The following KAZN variants were observed in gnomAD, a reference collection of about 807,000 sequenced individuals.
The protein encoded by KAZN is kazrin, periplakin interacting protein.
KAZN carries 40 observed loss-of-function variants against 87.4 expected under a neutral mutation model. The ratio of observed to expected loss-of-function variants is 0.46; its 90% CI spans 0.36 to 0.60. The LOEUF is 0.60. Ranked by LOEUF, KAZN falls within the 20% of genes least tolerant of loss-of-function variation. The probability of loss-of-function intolerance (pLI) is 0.00; values close to 1 mark genes in which losing one functional copy is unlikely to be tolerated. For missense variants in KAZN, 898 were observed against 1,073.9 expected (o/e 0.84, Z 2.29); for synonymous variants, 466 against 458.3 (o/e 1.02, Z -0.22).
chr1:13,923,047 C>T (rs1436154472), intron 1 of KAZN, among the ~76,000 whole-genome samples: 1 of 151,912 alleles, frequency 6.6e-6, no homozygotes, highest in Non-Finnish European at 1.5e-5. Flanking sequence ...TAGAGTTGAC[C>T]TGGAGCAACC....
intron 1 of KAZN, among the ~76,000 whole-genome samples, chr1:14,665,194 G>A (rs912865596): frequency 5.3e-5 from 8 of 152,116 alleles, no homozygotes; most frequent in South Asian, 2.1e-4. Flanking sequence ...CAGATCCTGC[G>A]GACAATGGGG....
intron 1 of KAZN, among the ~76,000 whole-genome samples, chr1:14,728,830 G>C (rs1372434828): frequency 6.6e-6 from 1 of 152,136 alleles, no homozygotes; most frequent in East Asian, 1.9e-4. Flanking sequence ...TGTAAAATGG[G>C]GGTAGTAGTA....
chr1:14,772,333 A>T (rs541579030), intron 1 of KAZN, among the ~76,000 whole-genome samples: 1 of 152,130 alleles, frequency 6.6e-6, no homozygotes, highest in East Asian at 1.9e-4. Context: ...AAAATTTAAC[A>T]ATTAGCCAGG....
Position 15,094,664 on chromosome 1 carries a change from G to T in KAZN, c.1429-151G>T. The T allele has an allele frequency of 1.5e-6, 1 of 649,774 alleles. No individual in the cohort carries two copies. The highest frequency in any genetic ancestry group is 2.6e-6 in the Non-Finnish European group (1 of 379,112). 40.3% of individuals were successfully genotyped at this position (649,774 alleles called of 1,614,324 possible). A position where few individuals can be genotyped will look rare whatever the true frequency, so the allele number is the denominator to read the frequency against. On this transcript the variant is annotated intron_variant, in intron 9 of 14. Transcript: ENST00000376030. The surrounding 1 kb of genome is among the most constrained non-coding windows in gnomAD (Gnocchi z 4.5). ...TGAACAGGGATTCCGCCCCACATCAGAGTTGCAGAGGTTTCCATGTGCCCT... is the reference window on the plus strand; with the variant it reads ...TGAACAGGGATTCCGCCCCACATCATAGTTGCAGAGGTTTCCATGTGCCCT...
chr1:14,365,237 C>T (rs1011460028), intron 2 of KAZN, among the ~76,000 whole-genome samples: 15 of 151,786 alleles, frequency 9.9e-5, no homozygotes, highest in African/African-American at 2.7e-4. Context: ...TTAGTAGAGA[C>T]GGGTTTTCAC....
chr1:14,293,868 G>C (rs1653911704), intron 2 of KAZN, among the ~76,000 whole-genome samples: 1 of 152,094 alleles, frequency 6.6e-6, no homozygotes, highest in Non-Finnish European at 1.5e-5. Flanking sequence ...GGAAGGCTCT[G>C]AGGGGCTGAA....
In KAZN at chr1:15,114,476, C is replaced by T. The variant is rs756813572; in HGVS notation, c.2169C>T (p.Pro723=). Residue 723 remains proline (P), a synonymous_variant, in exon 15 of 15, where the codon CCC becomes CCT. Coordinates refer to ENST00000376030, the MANE Select transcript of KAZN (RefSeq NM_201628.3). ...SGLKYKAGRL[P]LGKIGRGFSS... is the part of the protein sequence containing the mutation. ...TCATATTCTTCTCTTCTCAGCTGCC[C>T]CTGGGGAAGATAGGAAGGGGCTTCA... 1 of 1,609,812 alleles carries T rather than the reference C, an allele frequency of 6.2e-7. No individual in the cohort carries two copies. The highest frequency in any genetic ancestry group is 2.2e-5 in the East Asian group (1 of 44,798).
intron 2 of KAZN, among the ~76,000 whole-genome samples, chr1:14,308,627 A>G (rs1386297442): frequency 6.6e-6 from 1 of 152,166 alleles, no homozygotes; most frequent in Non-Finnish European, 1.5e-5. Context: ...TCTGCCAAGT[A>G]CTGGCTGTGT....
At chr1:14,087,447 C>T (rs1469472871) in intron 1 of KAZN, among the ~76,000 whole-genome samples, 1 of 152,044 alleles carries the variant, frequency 6.6e-6, no homozygotes, top group African/African-American at 2.4e-5. Flanking sequence ...TTTGTGTATT[C>T]ATTTCCTTTT....
chr1:13,982,025 A>G (rs1442928957), intron 1 of KAZN, among the ~76,000 whole-genome samples: 2 of 152,216 alleles, frequency 1.3e-5, no homozygotes, highest in East Asian at 1.9e-4. Context: ...TCCCACTTCA[A>G]TGTTGATTCC....
At chr1:14,626,448 C>G (rs766935036) in intron 1 of KAZN, among the ~76,000 whole-genome samples, 13 of 152,146 alleles carry the variant, frequency 8.5e-5, no homozygotes, top group South Asian at 2.1e-4. Flanking sequence ...GTTTGGTGTA[C>G]CTATTTCGCA....
chr1:14,030,579 A>G (rs954914100), intron 1 of KAZN, among the ~76,000 whole-genome samples: 25 of 152,074 alleles, frequency 1.6e-4, no homozygotes, highest in African/African-American at 6.0e-4. Context: ...ATAAAGTATA[A>G]TAAAAATAAA....
intron 2 of KAZN, among the ~76,000 whole-genome samples, chr1:15,013,331 AG>A (rs1223877133): frequency 2.6e-5 from 4 of 152,216 alleles, no homozygotes; most frequent in South Asian, 2.1e-4. Flanking sequence ...CGAGTGGGGG[AG>A]GGGGAAGCTA....
chr1:14,057,275 C>T (rs917860071), intron 1 of KAZN, among the ~76,000 whole-genome samples: 2 of 151,882 alleles, frequency 1.3e-5, no homozygotes, highest in African/African-American at 2.4e-5. Flanking sequence ...GCTGGGATTA[C>T]AGGTGCTTAC....
intron 1 of KAZN, among the ~76,000 whole-genome samples, chr1:14,882,906 T>C (rs1273777973): frequency 8.5e-5 from 13 of 152,106 alleles, no homozygotes; most frequent in Admixed American, 8.5e-4. Context: ...GTGAAGAGAT[T>C]TGTCAAAGTT....
intron 13 of KAZN, among the ~76,000 whole-genome samples, chr1:15,107,763 G>A (rs518152): frequency 0.17 from 25,197 of 152,136 alleles, 2,774 homozygotes; most frequent in East Asian, 0.52. Context: ...ATGTGGTTTC[G>A]AGCCCCAGCA....
intron 1 of KAZN, among the ~76,000 whole-genome samples, chr1:14,162,040 A>C (rs758067371): frequency 2.6e-5 from 4 of 152,224 alleles, no homozygotes; most frequent in Non-Finnish European, 5.9e-5. Flanking sequence ...GTTCTAAAAC[A>C]CCTCAGGCAT....
intron 1 of KAZN, among the ~76,000 whole-genome samples, chr1:14,907,639 T>C (rs1656756368): frequency 6.6e-6 from 1 of 152,076 alleles, no homozygotes; most frequent in Non-Finnish European, 1.5e-5. Context: ...CCTGAGCTGC[T>C]TCCGGAAAGA....
chr1:14,869,896 G>A (rs773331105), intron 1 of KAZN, among the ~76,000 whole-genome samples: 6 of 152,142 alleles, frequency 3.9e-5, no homozygotes, highest in South Asian at 2.1e-4. Flanking sequence ...GGGTTGTACC[G>A]GTCTCCTGCC....
Sources: gnomAD v4.1 joint callset for allele counts (sites outside exome capture counted in the v4.1 genomes callset) on GRCh38, gnomAD v4.1.1 for gene constraint, Gnocchi (gnomAD v3.1) non-coding constraint, MANE v1.5 for transcripts, NCBI Gene and HGNC (gene_info 2026-07-23, HGNC 2026-07-21) for gene names.